Variants in UBE2R2 observed in about 807,000 individuals in gnomAD.
UBE2R2 encodes ubiquitin conjugating enzyme E2 R2, also known as ubiquitin-conjugating enzyme E2 R2.
In UBE2R2, 1 loss-of-function variant was observed where a neutral mutation model predicts 27.8. The observed-to-expected ratio is 0.04, with a 90% CI of 0.01 to 0.17. The LOEUF is 0.17. Among genes scored for constraint, UBE2R2 ranks in the 10% least tolerant of loss-of-function variants. The pLI, the probability that UBE2R2 is intolerant of heterozygous loss-of-function variation, is 1.00. For synonymous variants in UBE2R2, 106 were observed against 113.3 expected (o/e 0.94, Z 0.41); for missense variants, 100 against 291.0 (o/e 0.34, Z 4.78).
At chr9:33,830,239 C>T (rs957933680) in intron 1 of UBE2R2, among the ~76,000 whole-genome samples, 3 of 150,250 alleles carry the variant, frequency 2.0e-5, no homozygotes, top group African/African-American at 7.3e-5. Flanking sequence ...CTCACTGCAC[C>T]TTCCACCTCT....
intron 2 of UBE2R2, among the ~76,000 whole-genome samples, chr9:33,888,872 G>T (rs960405415): frequency 6.6e-6 from 1 of 152,154 alleles, no homozygotes; most frequent in Non-Finnish European, 1.5e-5. Flanking sequence ...TCTTGAATTT[G>T]GAGTTCATTC....
rs142136665 is a variant in UBE2R2, at chr9:33,858,499, C to T, written c.178-28382C>T. ...GCATGATCTTGGCTAGCCACAGCTACGACCTCCCAGGCTCAAGCAGTCTTC... is the reference window on the plus strand; with the variant it reads ...GCATGATCTTGGCTAGCCACAGCTATGACCTCCCAGGCTCAAGCAGTCTTC... On this transcript the variant is annotated intron_variant, in intron 1 of 4. Transcript: ENST00000263228. Among the ~76,000 whole-genome samples the T allele has an allele frequency of 6.2e-3, 939 of 152,186 alleles. 8 individuals carry two copies. The highest frequency in any genetic ancestry group is 0.021 in the African/African-American group (874 of 41,526).
chr9:33,865,658 T>C (rs1821344577), intron 1 of UBE2R2, among the ~76,000 whole-genome samples: 1 of 152,182 alleles, frequency 6.6e-6, no homozygotes, highest in Admixed American at 6.5e-5. Context: ...ATAGTTTTAA[T>C]TTAGACTAAT....
chr9:33,868,199 G>A (rs1201860156), intron 1 of UBE2R2, among the ~76,000 whole-genome samples: 2 of 152,116 alleles, frequency 1.3e-5, no homozygotes, highest in African/African-American at 4.8e-5. Flanking sequence ...ATGCTCAGCT[G>A]CTTGTATCCT....
chr9:33,818,357 T>C (rs1825875061), intron 1 of UBE2R2, among the ~76,000 whole-genome samples: 1 of 130,684 alleles, frequency 7.7e-6, no homozygotes, highest in African/African-American at 2.9e-5. Context: ...GATTGGACTT[T>C]TCTTTTTTGG....
intron 1 of UBE2R2, among the ~76,000 whole-genome samples, chr9:33,818,985 ATGAG>A (rs1825908437): frequency 6.6e-6 from 1 of 152,174 alleles, no homozygotes; most frequent in Admixed American, 6.6e-5. Context: ...CTTGGAGATA[ATGAG>A]TGTTTGTTTT....
intron 1 of UBE2R2, among the ~76,000 whole-genome samples, chr9:33,824,438 C>T (rs1820256255): frequency 6.6e-6 from 1 of 152,048 alleles, no homozygotes; most frequent in Non-Finnish European, 1.5e-5. Context: ...AGATGGAGAT[C>T]ATCCTGGCTA....
At chr9:33,863,574 A>T (rs971147831) in intron 1 of UBE2R2, among the ~76,000 whole-genome samples, 3 of 152,174 alleles carry the variant, frequency 2.0e-5, no homozygotes, top group African/African-American at 7.2e-5. Context: ...TTCGTGAAAA[A>T]TTTAGAAAGA....
At chr9:33,898,508 A>G (rs1265868065) in intron 2 of UBE2R2, among the ~76,000 whole-genome samples, 1 of 152,134 alleles carries the variant, frequency 6.6e-6, no homozygotes, top group Non-Finnish European at 1.5e-5. Context: ...ATGGTTACAT[A>G]TATATTCATA....
intron 1 of UBE2R2, among the ~76,000 whole-genome samples, chr9:33,821,487 A>G (rs1647784454): frequency 1.3e-5 from 2 of 152,094 alleles, no homozygotes; most frequent in Admixed American, 1.3e-4. Flanking sequence ...ACTCCTGCTA[A>G]GGATTGTAGC....
At chr9:33,891,057 T>TTTTTTTTTG (rs1564001620) in intron 2 of UBE2R2, among the ~76,000 whole-genome samples, 4 of 125,298 alleles carry the variant, frequency 3.2e-5, no homozygotes, top group African/African-American at 2.6e-5. Flanking sequence ...GTTTTTTTGT[T>TTTTTTTTTG]TTTTTTTTTT....
intron 2 of UBE2R2, among the ~76,000 whole-genome samples, chr9:33,890,049 T>G (rs947900793): frequency 3.3e-5 from 5 of 151,908 alleles, no homozygotes; most frequent in African/African-American, 1.2e-4. Context: ...CAAACACCTC[T>G]CAAAAAAGAA....
At chr9:33,901,912 C>CTTT (rs529372244) in intron 3 of UBE2R2, among the ~76,000 whole-genome samples, 3 of 132,258 alleles carry the variant, frequency 2.3e-5, no homozygotes, top group Non-Finnish European at 3.3e-5. Flanking sequence ...TCTCATATTT[C>CTTT]TTTTTTTTTT....
In UBE2R2 at chr9:33,920,348, A is replaced by ATCTG. The variant is rs1323374150; in HGVS notation, c.*3115_*3118dup. ...TGGTTTATTTTGTCTTTTTCTGCCC[A>ATCTG]TCTGTCTACTAATAAAATGTGAAAT... is the stretch of plus-strand genomic sequence containing the variant. On this transcript the variant is annotated 3_prime_UTR_variant, in exon 5 of 5. Transcript: ENST00000263228. 3 of 151,686 alleles carry ATCTG rather than the reference A, an allele frequency of 2.0e-5. No homozygotes were observed. The highest frequency in any genetic ancestry group is 4.4e-5 in the Non-Finnish European group (3 of 68,016). 9.4% of individuals were successfully genotyped at this position (151,686 alleles called of 1,614,324 possible).
At chr9:33,901,912 CTTT>C (rs529372244) in intron 3 of UBE2R2, among the ~76,000 whole-genome samples, 3 of 132,244 alleles carry the variant, frequency 2.3e-5, no homozygotes, top group Non-Finnish European at 1.6e-5. Flanking sequence ...TCTCATATTT[CTTT>C]TTTTTTTTTT....
At chr9:33,842,088 C>T (rs1032429680) in intron 1 of UBE2R2, among the ~76,000 whole-genome samples, 1 of 151,858 alleles carries the variant, frequency 6.6e-6, no homozygotes, top group Non-Finnish European at 1.5e-5. Flanking sequence ...TTTTGCAGGC[C>T]CGGAGGCAAA....
At chr9:33,897,654 A>G (rs1327247269) in intron 2 of UBE2R2, among the ~76,000 whole-genome samples, 13 of 152,016 alleles carry the variant, frequency 8.6e-5, no homozygotes, top group Admixed American at 8.5e-4. Flanking sequence ...TAGGTTGTTT[A>G]AATTGTTATT....
chr9:33,840,495 G>A (rs1820708463), intron 1 of UBE2R2, among the ~76,000 whole-genome samples: 1 of 152,060 alleles, frequency 6.6e-6, no homozygotes, highest in African/African-American at 2.4e-5. Flanking sequence ...GTACACTCAT[G>A]TTGCATCTTT....
At chr9:33,850,542 C>G (rs1220930226) in intron 1 of UBE2R2, among the ~76,000 whole-genome samples, 1 of 152,052 alleles carries the variant, frequency 6.6e-6, no homozygotes, top group African/African-American at 2.4e-5. Flanking sequence ...CATCTGTGTC[C>G]TTATGGCTGA....
Sources: allele counts gnomAD v4.1 joint callset (sites outside exome capture counted in the v4.1 genomes callset), GRCh38; gene constraint gnomAD v4.1.1; transcripts MANE v1.5; gene names NCBI Gene and HGNC (gene_info 2026-07-23, HGNC 2026-07-21).